ACTR3: variants seen among roughly 807,000 people sequenced by gnomAD.
The protein encoded by ACTR3 is actin related protein 3.
ACTR3 carries 12 observed loss-of-function variants against 56.8 expected under a neutral mutation model. The observed-to-expected ratio is 0.21, with a 90% CI of 0.14 to 0.34. The LOEUF (loss-of-function observed/expected upper bound fraction) is 0.34, where lower values mean the gene tolerates loss of function less well. ACTR3 is among the 10% of genes least tolerant of loss of function. The probability of loss-of-function intolerance (pLI) is 1.00; values close to 1 mark genes in which losing one functional copy is unlikely to be tolerated. For synonymous variants in ACTR3, 162 were observed against 167.4 expected (o/e 0.97, Z 0.25); for missense variants, 282 against 512.5 (o/e 0.55, Z 4.34).
intron 1 of ACTR3, chr2:113,890,592 T>G: frequency 7.5e-7 from 1 of 1,340,536 alleles, no homozygotes. Context: ...TCCCGGCCCT[T>G]CCCCCACTAC....
At chr2:113,945,330 C>G (rs2104622951) in intron 8 of ACTR3, among the ~76,000 whole-genome samples, 1 of 152,290 alleles carries the variant, frequency 6.6e-6, no homozygotes, top group South Asian at 2.1e-4. Flanking sequence ...AGTTATTGCT[C>G]TTGGTAGTAA....
chr2:113,928,469 T>C (rs1361013366), intron 4 of ACTR3, among the ~76,000 whole-genome samples: 1 of 152,200 alleles, frequency 6.6e-6, no homozygotes, highest in Non-Finnish European at 1.5e-5. Flanking sequence ...AAAATTTACA[T>C]ATCATAAAAT....
intron 3 of ACTR3, among the ~76,000 whole-genome samples, chr2:113,925,955 G>A (rs1186024416): frequency 1.3e-5 from 2 of 152,084 alleles, no homozygotes; most frequent in African/African-American, 4.8e-5. Flanking sequence ...TCTCAGTAAC[G>A]TTTTTCACTG....
chr2:113,906,569 TG>T (rs747446947), intron 1 of ACTR3, among the ~76,000 whole-genome samples: 4 of 152,196 alleles, frequency 2.6e-5, no homozygotes, highest in Admixed American at 2.0e-4. Flanking sequence ...TTTCACCTTA[TG>T]TTTTTTTTCT....
chr2:113,917,293 A>G (rs995499186), intron 3 of ACTR3, among the ~76,000 whole-genome samples: 1 of 140,598 alleles, frequency 7.1e-6, no homozygotes, highest in Admixed American at 7.3e-5. Flanking sequence ...TTACTTCCAC[A>G]TTGCTACTTC....
intron 2 of ACTR3, among the ~76,000 whole-genome samples, chr2:113,915,023 C>T (rs534518793): frequency 2.0e-5 from 3 of 152,220 alleles, no homozygotes; most frequent in South Asian, 2.1e-4. Flanking sequence ...ATTAAGAATT[C>T]GGTGATACAT....
chr2:113,914,927 T>C (rs892175802), intron 2 of ACTR3, among the ~76,000 whole-genome samples: 2 of 152,218 alleles, frequency 1.3e-5, no homozygotes, highest in African/African-American at 4.8e-5. Context: ...ATGTTTGTTA[T>C]CTACTGAACA....
chr2:113,899,242 T>G (rs1258215721), intron 1 of ACTR3, among the ~76,000 whole-genome samples: 2 of 152,174 alleles, frequency 1.3e-5, no homozygotes, highest in South Asian at 2.1e-4. Flanking sequence ...TACATATATC[T>G]TCAAAAGGAA....
intron 11 of ACTR3, 132 bp downstream of exon 11, chr2:113,955,838 C>G: frequency 1.6e-6 from 1 of 607,408 alleles, no homozygotes; most frequent in East Asian, 3.4e-5. Context: ...ACCTCCACCT[C>G]CTGGGTTAAA....
At position 113,927,514 on chromosome 2, in the gene ACTR3, T is replaced by G. The variant is rs536152745; in HGVS notation, c.336+59T>G. ...TTTTGAATACACTTAATGAGAACAT[T>G]TTCATCATACTTCTTTGGTATACTT... On this transcript the variant is annotated intron_variant, in intron 4 of 11. Coordinates refer to ENST00000263238, the MANE Select transcript of ACTR3 (RefSeq NM_005721.5). The G allele has an allele frequency of 4.6e-6, 5 of 1,077,490 alleles. No individual in the cohort carries two copies. In the South Asian group the frequency reaches 7.4e-5, roughly 16 times the overall value. The allele number at this position is 1,077,490 out of a possible 1,614,324, so 66.7% of individuals were successfully genotyped here.
At chr2:113,916,791 C>A in intron 2 of ACTR3, 93 bp from the exon 3 acceptor site, 1 of 1,059,416 alleles carries the variant, frequency 9.4e-7, no homozygotes, top group Non-Finnish European at 1.3e-6. Context: ...TCATGTTTTA[C>A]TTTGTAGTAC....
At chr2:113,929,081 T>C (rs1679671458) in intron 4 of ACTR3, among the ~76,000 whole-genome samples, 1 of 152,192 alleles carries the variant, frequency 6.6e-6, no homozygotes, top group Admixed American at 6.5e-5. Flanking sequence ...TTGTATAAAT[T>C]TGCCTCACTT....
Position 113,890,279 on chromosome 2 carries a change from G to A in ACTR3, c.-1G>A, listed in dbSNP as rs771389362. ...AGCAGCAGCAGCAGGCGAGGAGGAA[G>A]ATGGCGGGACGGCTGCCGGCCTGTG... On this transcript the variant is annotated 5_prime_UTR_variant, in exon 1 of 12. Transcript: ENST00000263238. 2.0e-5 allele frequency: 31 copies of A among 1,550,020 alleles called. No homozygotes were observed. Among genetic ancestry groups the A allele is most frequent in the Non-Finnish European group, 2.5e-5 (29 of 1,146,284 alleles).
chr2:113,932,625 T>TA (rs763615751), intron 5 of ACTR3, among the ~76,000 whole-genome samples: 8 of 152,212 alleles, frequency 5.3e-5, no homozygotes, highest in Non-Finnish European at 7.4e-5. Context: ...TGCTGATACA[T>TA]ATCTATTCTA....
rs77594895 is a variant in ACTR3, at chr2:113,897,827, A to G, written c.44+7504A>G. 7.7e-3 allele frequency among the ~76,000 whole-genome samples: 1,169 copies of G among 152,038 alleles called. 14 individuals are homozygous for G. The highest frequency in any genetic ancestry group is 0.026 in the African/African-American group (1,063 of 41,456). ...TCCTTCTGCTCCCCAACCCTAATAC[A>G]TACCTGAGAAGAATATTCATCTGTT... On this transcript the variant is annotated intron_variant, in intron 1 of 11. Coordinates refer to ENST00000263238, the MANE Select transcript of ACTR3 (RefSeq NM_005721.5).
chr2:113,923,700 G>A (rs982246070), intron 3 of ACTR3, among the ~76,000 whole-genome samples: 4 of 148,928 alleles, frequency 2.7e-5, no homozygotes, highest in South Asian at 4.2e-4. Context: ...CTACTCAAAC[G>A]TTGGTTTCTC....
At chr2:113,914,728 C>T (rs1679372827) in intron 2 of ACTR3, among the ~76,000 whole-genome samples, 1 of 151,796 alleles carries the variant, frequency 6.6e-6, no homozygotes, top group South Asian at 2.1e-4. Context: ...TAGAAACAAA[C>T]TTATTTGACT....
intron 1 of ACTR3, among the ~76,000 whole-genome samples, chr2:113,901,810 G>C (rs1679105250): frequency 6.6e-6 from 1 of 152,184 alleles, no homozygotes; most frequent in African/African-American, 2.4e-5. Context: ...TTTCAGAATT[G>C]TAATGGAACA....
At chr2:113,949,772 A>C (rs1680089084) in intron 8 of ACTR3, among the ~76,000 whole-genome samples, 1 of 152,154 alleles carries the variant, frequency 6.6e-6, no homozygotes, top group South Asian at 2.1e-4. Context: ...TATGTTGCCC[A>C]GGCTGGTGTC....
Sources: allele counts gnomAD v4.1 joint callset (sites outside exome capture counted in the v4.1 genomes callset), GRCh38; gene constraint gnomAD v4.1.1; transcripts MANE v1.5; gene names NCBI Gene and HGNC (gene_info 2026-07-23, HGNC 2026-07-21).